Variants in RB1CC1 observed in about 807,000 individuals in gnomAD.
The protein encoded by RB1CC1 is RB1 inducible coiled-coil 1.
In RB1CC1, 46 loss-of-function variants were observed where a neutral mutation model predicts 177.5. That is an observed-to-expected ratio of 0.26 (90% CI 0.20 to 0.33). The LOEUF (loss-of-function observed/expected upper bound fraction) is 0.33. Ranked by LOEUF, RB1CC1 falls within the 10% of genes least tolerant of loss-of-function variation. RB1CC1 has a pLI of 1.00. For missense variants in RB1CC1, 1,703 were observed against 1,816.3 expected (o/e 0.94, Z 1.13); for synonymous variants, 666 against 613.6 (o/e 1.09, Z -1.26).
chr8:52,646,867 G>A (rs1850094197), intron 15 of RB1CC1, among the ~76,000 whole-genome samples: 1 of 151,980 alleles, frequency 6.6e-6, no homozygotes, highest in African/African-American at 2.4e-5. Flanking sequence ...ATTAAAAAAA[G>A]GTTTCTCCAA....
At chr8:52,693,876 C>T (rs1855126215) in intron 1 of RB1CC1, among the ~76,000 whole-genome samples, 1 of 152,090 alleles carries the variant, frequency 6.6e-6, no homozygotes, top group Non-Finnish European at 1.5e-5. Context: ...AGCAAACCAC[C>T]ATGGCACATG....
intron 16 of RB1CC1, among the ~76,000 whole-genome samples, chr8:52,643,967 C>T (rs946669522): frequency 6.6e-6 from 1 of 151,818 alleles, no homozygotes; most frequent in Non-Finnish European, 1.5e-5. Context: ...TTTCTGGCCA[C>T]AAAGCATACA....
chr8:52,646,962 T>C (rs2150427516), intron 15 of RB1CC1, among the ~76,000 whole-genome samples: 1 of 152,298 alleles, frequency 6.6e-6, no homozygotes, highest in Non-Finnish European at 1.5e-5. Flanking sequence ...ACCAGGTCAA[T>C]TTTTAGGCTT....
Position 52,658,925 on chromosome 8 carries a change from C to A in RB1CC1, c.1741G>T (p.Asp581Tyr). The A allele has an allele frequency of 6.3e-7, 1 of 1,587,996 alleles. No homozygotes were observed. The highest frequency in any genetic ancestry group is 1.4e-5 in the African/African-American group (1 of 73,764). The change falls in exon 13 of 24, where the codon GAT (aspartate) becomes TAT (tyrosine). Residue 581 changes from aspartate to tyrosine, a missense_variant. By Grantham distance (160) the Asp-to-Tyr change is radical. Transcript: ENST00000025008. Reference protein sequence around the residue: ...DCELPDISLKDLQFLQSFCPS... With the variant: ...DCELPDISLKYLQFLQSFCPS... The stretch of plus-strand genomic sequence containing the variant: ...CAAAATGATTGCAGAAACTGTAAAT[C>A]TTTTAATGAAATATCTGGAAGTTCA...
chr8:52,659,126 A>G (rs1367691324), intron 12 of RB1CC1, 150 bp from the exon 13 acceptor site: 1 of 476,994 alleles, frequency 2.1e-6, no homozygotes, highest in Non-Finnish European at 3.7e-6. Context: ...ACCATTCAAT[A>G]AAGATATGGC....
In RB1CC1 at chr8:52,623,394, A is replaced by G. The variant is rs1848178953; in HGVS notation, c.*388T>C. 1 of 306,556 alleles carries G rather than the reference A, an allele frequency of 3.3e-6. No homozygotes were observed. The highest frequency in any genetic ancestry group is 2.2e-5 in the African/African-American group (1 of 45,156). 19.0% of individuals were successfully genotyped at this position (306,556 alleles called of 1,614,324 possible). ...GCAAGTATTCTGATACTGATTTCAC[A>G]AAAGGACAAATGCTGGTAATAATAA... is the stretch of plus-strand genomic sequence containing the variant. On this transcript the variant is annotated 3_prime_UTR_variant, in exon 24 of 24. Coordinates refer to ENST00000025008, the MANE Select transcript of RB1CC1 (RefSeq NM_014781.5).
chr8:52,623,980 C>T, intron 23 of RB1CC1, 121 bp from the exon 24 acceptor site: 1 of 668,996 alleles, frequency 1.5e-6, no homozygotes, highest in Non-Finnish European at 2.6e-6. Flanking sequence ...CCACATCACA[C>T]AAGTACCCTC....
intron 16 of RB1CC1, among the ~76,000 whole-genome samples, chr8:52,644,153 T>C (rs745398494): frequency 5.3e-5 from 8 of 152,126 alleles, no homozygotes; most frequent in Admixed American, 1.3e-4. Flanking sequence ...CAATTTGTAA[T>C]TGGCATATGA....
chr8:52,678,321 G>A (rs772805214), intron 5 of RB1CC1, among the ~76,000 whole-genome samples: 9 of 152,286 alleles, frequency 5.9e-5, no homozygotes, highest in Middle Eastern at 3.4e-3. Context: ...GGAAGCTGAG[G>A]GAGGAGAATC....
intron 13 of RB1CC1, 61 bp from the exon 14 acceptor site, chr8:52,658,185 T>C (rs1408785061): frequency 1.3e-6 from 2 of 1,485,336 alleles, no homozygotes; most frequent in Non-Finnish European, 1.8e-6. Context: ...AGATAACTGC[T>C]ACCAAATATT....
At chr8:52,672,810 A>G (rs1030201139) in intron 7 of RB1CC1, among the ~76,000 whole-genome samples, 1 of 152,214 alleles carries the variant, frequency 6.6e-6, no homozygotes, top group African/African-American at 2.4e-5. Context: ...ATTATCTACA[A>G]TCATAAATGG....
intron 7 of RB1CC1, among the ~76,000 whole-genome samples, chr8:52,669,692 G>A (rs1852382528): frequency 6.6e-6 from 1 of 152,160 alleles, no homozygotes; most frequent in South Asian, 2.1e-4. Flanking sequence ...TGAGTCCAAT[G>A]TGTATGTATT....
intron 19 of RB1CC1, 21 bp from the exon 20 acceptor site, chr8:52,634,989 C>A (rs772190182): frequency 1.3e-6 from 2 of 1,597,478 alleles, no homozygotes; most frequent in Non-Finnish European, 1.7e-6. Context: ...AAAAAAGAGA[C>A]CTGTGGTTTA....
Position 52,657,793 on chromosome 8 carries a change from G to A in RB1CC1, c.2036C>T (p.Pro679Leu). Residue 679 changes from proline (P) to leucine (L), a missense_variant, in exon 15 of 24, where the codon CCC (proline) becomes CTC (leucine). Pro to Leu is a moderately conservative substitution (Grantham distance 98). This residue lies in a region of RB1CC1 where 1,169 missense variants were observed against 1,184.7 expected (regional missense o/e 0.99). Coordinates refer to ENST00000025008, the MANE Select transcript of RB1CC1 (RefSeq NM_014781.5). ...RTPPPLTVQD[P>L]LCPAVCPLEE... is the part of the protein sequence containing the mutation. ...TAAGGGACAAACTGCAGGACATAAG[G>A]GATCCTGAACAGTCAGTGGTGGAGG... 1 of 1,613,708 alleles carries A rather than the reference G, an allele frequency of 6.2e-7. No individual in the cohort carries two copies. Among genetic ancestry groups the A allele is most frequent in the Non-Finnish European group, 8.5e-7 (1 of 1,179,918 alleles).
intron 15 of RB1CC1, among the ~76,000 whole-genome samples, chr8:52,648,557 A>G (rs965818450): frequency 6.6e-6 from 1 of 152,200 alleles, no homozygotes; most frequent in Non-Finnish European, 1.5e-5. Flanking sequence ...AGCGTATCAC[A>G]GTTCAGTTAG....
intron 1 of RB1CC1, among the ~76,000 whole-genome samples, chr8:52,713,853 GC>G (rs1301147345): frequency 6.6e-6 from 1 of 152,208 alleles, no homozygotes; most frequent in African/African-American, 2.4e-5. Context: ...GACTCGAACC[GC>G]TTTTGTCTCC....
chr8:52,674,190 T>G lies in RB1CC1; in HGVS notation c.657A>C (p.Arg219Ser), dbSNP rs1174638261. Residue 219 changes from arginine to serine, a missense_variant, in exon 7 of 24, where the codon AGA (arginine) becomes AGC (serine). By Grantham distance (110) the Arg-to-Ser change is moderately radical (BLOSUM62 -1). This residue lies in a region of RB1CC1 where 315 missense variants were observed against 304.9 expected (regional missense o/e 1.03). Transcript: ENST00000025008. Reference sequence around the variant, plus strand: ...CTTCATGTTCAGGTAAAGAATCCAGTCTTCCCAAACATTCTCTGTAACTAT... The same window carrying G: ...CTTCATGTTCAGGTAAAGAATCCAGGCTTCCCAAACATTCTCTGTAACTAT... ...TRHSYRECLG[R>S]LDSLPEHEDS... 6.2e-7 allele frequency: 1 copy of G among 1,612,908 alleles called. No individual in the cohort carries two copies. Among genetic ancestry groups the G allele is most frequent in the South Asian group, 1.1e-5 (1 of 91,054 alleles).
In RB1CC1 at chr8:52,666,446, A is replaced by G. The variant is rs560627355; in HGVS notation, c.1173+1575T>C. 2.6e-5 allele frequency among the ~76,000 whole-genome samples: 4 copies of G among 152,000 alleles called. No homozygotes were observed. In the East Asian group the frequency reaches 7.8e-4, roughly 30 times the overall value. Reference sequence around the variant, plus strand: ...GGCAAAAGAATCGCTTGCACCCAGGAGGCAGACGTTGCAGTGAGACGAGAT... The same window carrying G: ...GGCAAAAGAATCGCTTGCACCCAGGGGGCAGACGTTGCAGTGAGACGAGAT... On this transcript the variant is annotated intron_variant, in intron 8 of 23. Coordinates refer to ENST00000025008, the MANE Select transcript of RB1CC1 (RefSeq NM_014781.5).
chr8:52,647,367 G>A (rs892372555), intron 15 of RB1CC1, among the ~76,000 whole-genome samples: 13 of 152,178 alleles, frequency 8.5e-5, no homozygotes, highest in East Asian at 7.7e-4. Context: ...ATTAAAGGAA[G>A]GAATATATAT....
Sources: allele counts gnomAD v4.1 joint callset (sites outside exome capture counted in the v4.1 genomes callset), GRCh38; gene constraint gnomAD v4.1.1; regional missense constraint gnomAD v4.1.1; transcripts MANE v1.5; gene names NCBI Gene and HGNC (gene_info 2026-07-23, HGNC 2026-07-21).